ADGRL2: variants seen among roughly 807,000 people sequenced by gnomAD.
The protein encoded by ADGRL2 is calcium-independent alpha-latrotoxin receptor 2.
ADGRL2 carries 44 observed loss-of-function variants against 157.4 expected under a neutral mutation model. That is an observed-to-expected ratio of 0.28 (90% confidence interval 0.22 to 0.36). The LOEUF is 0.36. Ranked by LOEUF, ADGRL2 falls within the 10% of genes least tolerant of loss-of-function variation. The pLI is 1.00. For synonymous variants in ADGRL2, 585 were observed against 624.7 expected (o/e 0.94, Z 0.95); for missense variants, 1,510 against 1,768.9 (o/e 0.85, Z 2.63).
chr1:81,987,213 C>T, intron 22 of ADGRL2, 184 bp downstream of exon 22: 1 of 1,361,842 alleles, frequency 7.3e-7, no homozygotes, highest in Non-Finnish European at 1.0e-6. Flanking sequence ...ATAGTAAAAG[C>T]TCAGTCATGA....
At chr1:81,628,274 G>A (rs1033229003) in intron 3 of ADGRL2, among the ~76,000 whole-genome samples, 2 of 152,158 alleles carry the variant, frequency 1.3e-5, no homozygotes, top group African/African-American at 4.8e-5. Context: ...AAGATGTTCA[G>A]AGTGAGGACA....
intron 1 of ADGRL2, among the ~76,000 whole-genome samples, chr1:81,330,711 C>T (rs1419234447): frequency 6.6e-6 from 1 of 152,104 alleles, no homozygotes; most frequent in Non-Finnish European, 1.5e-5. Context: ...AAGCTGCCAA[C>T]AGATGCATCA....
intron 2 of ADGRL2, among the ~76,000 whole-genome samples, chr1:81,891,819 T>G (rs2094273383): frequency 6.6e-6 from 1 of 152,102 alleles, no homozygotes. Flanking sequence ...AATTTATTGC[T>G]ATTTTGAGAT....
At chr1:81,369,335 T>C (rs1337411430) in intron 1 of ADGRL2, among the ~76,000 whole-genome samples, 1 of 152,194 alleles carries the variant, frequency 6.6e-6, no homozygotes, top group African/African-American at 2.4e-5. Context: ...ATACAGTCTA[T>C]ATATACATAG....
At chr1:81,832,216 A>C (rs575458083) in intron 1 of ADGRL2, among the ~76,000 whole-genome samples, 1 of 152,228 alleles carries the variant, frequency 6.6e-6, no homozygotes, top group Admixed American at 6.5e-5. Flanking sequence ...ATCTCGGCTC[A>C]CTGCAACCTC....
At chr1:81,441,738 C>T (rs1229468094) in intron 1 of ADGRL2, among the ~76,000 whole-genome samples, 1 of 152,160 alleles carries the variant, frequency 6.6e-6, no homozygotes, top group African/African-American at 2.4e-5. Context: ...CGGGGTTTCA[C>T]TATGTTGGCC....
In ADGRL2 at chr1:81,948,655, A is replaced by G. The variant is rs144619563; in HGVS notation, c.1211-1534A>G. On this transcript the variant is annotated intron_variant, in intron 6 of 23. Transcript: ENST00000686636. ...CATTGTAATCAAAAGAAAATTACAGAGGTTTAACAAGATGTCAAGCAAGTG... is the reference window on the plus strand; with the variant it reads ...CATTGTAATCAAAAGAAAATTACAGGGGTTTAACAAGATGTCAAGCAAGTG... 8.1e-4 allele frequency among the ~76,000 whole-genome samples: 124 copies of G among 152,346 alleles called. 2 individuals are homozygous for G. The highest frequency in any genetic ancestry group is 2.9e-3 in the African/African-American group (121 of 41,582).
chr1:81,418,695 A>G (rs12136855), intron 1 of ADGRL2, among the ~76,000 whole-genome samples: 58,460 of 152,048 alleles, frequency 0.38, 11,353 homozygotes, highest in East Asian at 0.49. Context: ...CAGTACTTGC[A>G]GTGAGCTGAA....
intron 3 of ADGRL2, among the ~76,000 whole-genome samples, chr1:81,627,036 C>A (rs1416474883): frequency 2.0e-5 from 3 of 151,924 alleles, no homozygotes; most frequent in Admixed American, 2.0e-4. Flanking sequence ...GGTACACATC[C>A]CACTTCAAAG....
chr1:81,803,232 T>G (rs886341916), intron 1 of ADGRL2, among the ~76,000 whole-genome samples: 6 of 152,014 alleles, frequency 3.9e-5, no homozygotes, highest in Non-Finnish European at 8.8e-5. Flanking sequence ...GCTCCTTGAT[T>G]GGCTGGGGCG....
chr1:81,447,830 G>T (rs1437757224), intron 2 of ADGRL2, among the ~76,000 whole-genome samples: 1 of 152,072 alleles, frequency 6.6e-6, no homozygotes, highest in Non-Finnish European at 1.5e-5. Flanking sequence ...AATCCCCAAT[G>T]TTGGAGTGGG....
chr1:81,411,419 C>A (rs1017177637), intron 1 of ADGRL2, among the ~76,000 whole-genome samples: 10 of 152,150 alleles, frequency 6.6e-5, no homozygotes, highest in Admixed American at 5.2e-4. Flanking sequence ...ATCCTTCCAG[C>A]AGCCCCATGA....
chr1:81,656,291 C>T (rs1276999738), intron 3 of ADGRL2, among the ~76,000 whole-genome samples: 3 of 152,156 alleles, frequency 2.0e-5, no homozygotes, highest in Non-Finnish European at 4.4e-5. Flanking sequence ...GGCATCCTCT[C>T]CATGTGAAAG....
chr1:81,896,168 T>C (rs550616447), intron 2 of ADGRL2, among the ~76,000 whole-genome samples: 13 of 152,298 alleles, frequency 8.5e-5, no homozygotes, highest in Non-Finnish European at 1.6e-4. Flanking sequence ...TCTGTAATTG[T>C]TTGCTAGTTT....
chr1:81,429,808 A>G (rs1474869393), intron 1 of ADGRL2, among the ~76,000 whole-genome samples: 1 of 152,226 alleles, frequency 6.6e-6, no homozygotes, highest in Non-Finnish European at 1.5e-5. Flanking sequence ...CGGGTAATGG[A>G]GGAAAGGAGG....
chr1:81,958,388 A>G (rs754785642), intron 11 of ADGRL2, among the ~76,000 whole-genome samples: 1 of 151,974 alleles, frequency 6.6e-6, no homozygotes, highest in Non-Finnish European at 1.5e-5. Flanking sequence ...TTTTCCTAGG[A>G]CTTGTCTTGT....
intron 1 of ADGRL2, 33 bp from the exon 2 acceptor site, chr1:81,836,852 A>G (rs1385346338): frequency 1.1e-5 from 6 of 571,012 alleles, no homozygotes; most frequent in Admixed American, 7.5e-5. Context: ...TAGAAAGACC[A>G]TAGAGTAAGT....
chr1:81,854,540 T>C (rs907252222), intron 2 of ADGRL2, among the ~76,000 whole-genome samples: 4 of 152,194 alleles, frequency 2.6e-5, no homozygotes, highest in Non-Finnish European at 5.9e-5. Flanking sequence ...ATTTTAGAAC[T>C]GTTGATGCTT....
intron 2 of ADGRL2, among the ~76,000 whole-genome samples, chr1:81,902,033 A>G (rs1340406648): frequency 6.6e-6 from 1 of 152,170 alleles, no homozygotes. Context: ...GTCAGAAATC[A>G]GTACATGAGT....
Sources: gnomAD v4.1 joint callset for allele counts (sites outside exome capture counted in the v4.1 genomes callset) on GRCh38, gnomAD v4.1.1 for gene constraint, MANE v1.5 for transcripts, NCBI Gene and HGNC (gene_info 2026-07-23, HGNC 2026-07-21) for gene names.